Variants in LAMA2 observed in about 807,000 individuals in gnomAD.
LAMA2 encodes the protein laminin subunit alpha 2, also known as laminin subunit alpha-2.
In LAMA2, 269 loss-of-function variants were observed where a neutral mutation model predicts 364.8. The observed-to-expected ratio is 0.74, with a 90% CI of 0.67 to 0.82. LAMA2 has a LOEUF of 0.82. Ranked by LOEUF, LAMA2 falls within the 40% of genes least tolerant of loss-of-function variation. LAMA2 has a pLI of 0.00. For missense variants in LAMA2, 3,807 were observed against 3,873.2 expected, an observed-to-expected ratio of 0.98 and a Z score of 0.45; for synonymous variants, 1,379 against 1,370.6, an observed-to-expected ratio of 1.01 and a Z score of -0.14.
At chr6:129,341,375 G>A (rs1371156034) in intron 29 of LAMA2, among the ~76,000 whole-genome samples, 1 of 152,192 alleles carries the variant, frequency 6.6e-6, no homozygotes, top group Non-Finnish European at 1.5e-5. Flanking sequence ...TTTATAAGAT[G>A]TAAGTCACTA....
At chr6:129,223,270 A>AC (rs565843122) in intron 12 of LAMA2, among the ~76,000 whole-genome samples, 153 of 152,210 alleles carry the variant, frequency 1.0e-3, no homozygotes, top group African/African-American at 3.4e-3. Context: ...AGATTGCAAA[A>AC]ATCTTCTCCC....
chr6:128,915,703 G>GTCTGATAAAAATTGT (rs1778268157), intron 1 of LAMA2, among the ~76,000 whole-genome samples: 1 of 152,100 alleles, frequency 6.6e-6, no homozygotes, highest in African/African-American at 2.4e-5. Flanking sequence ...GAAATACATT[G>GTCTGATAAAAATTGT]TCTGATAAAA....
chr6:129,366,602 T>C (rs1276903909), intron 33 of LAMA2, among the ~76,000 whole-genome samples: 1 of 152,204 alleles, frequency 6.6e-6, no homozygotes, highest in Non-Finnish European at 1.5e-5. Context: ...TCAGTTTTAT[T>C]ATGTCACTTA....
At chr6:129,174,704 A>G (rs1195111801) in intron 9 of LAMA2, among the ~76,000 whole-genome samples, 1 of 152,144 alleles carries the variant, frequency 6.6e-6, no homozygotes, top group Non-Finnish European at 1.5e-5. Flanking sequence ...CAGGAAAGAC[A>G]TTGTTTTAAA....
Position 128,913,532 on chromosome 6 carries a change from T to C in LAMA2, c.112+30175T>C, listed in dbSNP as rs552087690. ...AATAATTGGTTTTACTTACTGACTATGGGCATTTTAATACAAGATTCCATT... is the reference window on the plus strand; with the variant it reads ...AATAATTGGTTTTACTTACTGACTACGGGCATTTTAATACAAGATTCCATT... On this transcript the variant is annotated intron_variant, in intron 1 of 64. Coordinates refer to ENST00000421865, the MANE Select transcript of LAMA2 (RefSeq NM_000426.4). Among the ~76,000 whole-genome samples the C allele has an allele frequency of 2.0e-5, 3 of 152,310 alleles. No homozygotes were observed. In the South Asian group the frequency reaches 6.2e-4, roughly 32 times the overall value.
At chr6:129,157,406 G>A (rs1173569658) in intron 8 of LAMA2, 7 of 1,238,124 alleles carry the variant, frequency 5.7e-6, no homozygotes, top group Non-Finnish European at 7.1e-6. Context: ...CTGTGAACAC[G>A]TAGTGAAGAA....
chr6:129,480,295 C>T (rs997831610), intron 54 of LAMA2, among the ~76,000 whole-genome samples: 1 of 152,060 alleles, frequency 6.6e-6, no homozygotes, highest in African/African-American at 2.4e-5. Context: ...TGCTTTTACT[C>T]CTACAAAATC....
chr6:128,902,974 A>G (rs1039455581), intron 1 of LAMA2, among the ~76,000 whole-genome samples: 3 of 152,190 alleles, frequency 2.0e-5, no homozygotes. Context: ...CATAAATATG[A>G]CCAGTCACAA....
intron 5 of LAMA2, among the ~76,000 whole-genome samples, chr6:129,145,593 A>C (rs983473639): frequency 1.3e-5 from 2 of 151,988 alleles, no homozygotes; most frequent in Non-Finnish European, 2.9e-5. Flanking sequence ...CAATGAAAAT[A>C]AATTAGTGTT....
intron 2 of LAMA2, among the ~76,000 whole-genome samples, chr6:129,052,879 G>T (rs543018191): frequency 6.6e-6 from 1 of 152,036 alleles, no homozygotes; most frequent in Non-Finnish European, 1.5e-5. Flanking sequence ...TTAAAGAGAG[G>T]CATGCATAGT....
intron 1 of LAMA2, chr6:128,929,912 G>C (rs369818291): frequency 3.6e-6 from 3 of 839,524 alleles, no homozygotes; most frequent in Non-Finnish European, 6.0e-6. Context: ...GTGCAGGTAC[G>C]CAGCAAGCAG....
At chr6:129,402,745 G>C (rs1780051485) in intron 39 of LAMA2, among the ~76,000 whole-genome samples, 2 of 152,178 alleles carry the variant, frequency 1.3e-5, no homozygotes, top group Non-Finnish European at 1.5e-5. Context: ...GCTACACTTA[G>C]AAAAAATTAT....
intron 4 of LAMA2, among the ~76,000 whole-genome samples, chr6:129,135,865 T>C (rs1777761455): frequency 6.6e-6 from 1 of 152,234 alleles, no homozygotes; most frequent in Non-Finnish European, 1.5e-5. Context: ...AAGCTCTATT[T>C]TGACAACTCT....
At chr6:129,271,522 T>C (rs1484194450) in intron 17 of LAMA2, among the ~76,000 whole-genome samples, 2 of 145,362 alleles carry the variant, frequency 1.4e-5, no homozygotes, top group African/African-American at 5.1e-5. Context: ...CAGGCTAGAG[T>C]GCAGTGGTGC....
chr6:129,260,870 A>G (rs1787076771), intron 15 of LAMA2, 48 bp downstream of exon 15: 1 of 1,048,412 alleles, frequency 9.5e-7, no homozygotes, highest in East Asian at 2.4e-5. Flanking sequence ...TTCCCTCAAC[A>G]TTGCTTTCAA....
At chr6:129,020,481 G>C (rs957596188) in intron 1 of LAMA2, among the ~76,000 whole-genome samples, 2 of 152,106 alleles carry the variant, frequency 1.3e-5, no homozygotes, top group African/African-American at 2.4e-5. Flanking sequence ...CTGGAGATAC[G>C]GAAGGAAGGA....
intron 3 of LAMA2, among the ~76,000 whole-genome samples, chr6:129,069,987 A>G (rs192061465): frequency 1.3e-5 from 2 of 152,084 alleles, no homozygotes; most frequent in Non-Finnish European, 2.9e-5. Flanking sequence ...TATGTTTCCA[A>G]TATTACCCAT....
At chr6:129,336,411 A>T (rs1314467122) in intron 29 of LAMA2, among the ~76,000 whole-genome samples, 1 of 152,244 alleles carries the variant, frequency 6.6e-6, no homozygotes, top group Admixed American at 6.5e-5. Context: ...TATCAAGTTT[A>T]TCAGACAATG....
chr6:128,883,459 C>T, intron 1 of LAMA2, 102 bp downstream of exon 1: 2 of 1,531,096 alleles, frequency 1.3e-6, no homozygotes, highest in Non-Finnish European at 1.8e-6. Context: ...TGCCGTCTTG[C>T]TTCGCCTTCA....
Sources: allele counts gnomAD v4.1 joint callset (sites outside exome capture counted in the v4.1 genomes callset), GRCh38; gene constraint gnomAD v4.1.1; transcripts MANE v1.5; gene names NCBI Gene and HGNC (gene_info 2026-07-23, HGNC 2026-07-21).